GAP43: variants seen among roughly 807,000 people sequenced by gnomAD.
GAP43 encodes the protein growth associated protein 43, also known as neuromodulin.
In GAP43, 6 loss-of-function variants were observed where a neutral mutation model predicts 18.6. The ratio of observed to expected loss-of-function variants is 0.32; its 90% CI spans 0.18 to 0.64. The LOEUF is 0.64. GAP43 is among the 30% of genes least tolerant of loss of function. The pLI is 0.78. For synonymous variants in GAP43, 115 were observed against 111.4 expected (o/e 1.03, Z -0.20); for missense variants, 292 against 295.5 (o/e 0.99, Z 0.09).
At position 115,675,215 on chromosome 3, in the gene GAP43, G is replaced by A. The variant is rs370883836; in HGVS notation, c.31-798G>A. On this transcript the variant is annotated intron_variant, in intron 1 of 2. Transcript: ENST00000305124. The stretch of plus-strand genomic sequence containing the variant: ...GCCTCCTGAGTAGCCAGGACCACTG[G>A]TGCATGCCACTACACCCATCTAATT... 2.6e-5 allele frequency among the ~76,000 whole-genome samples: 4 copies of A among 152,232 alleles called. No homozygotes were observed. In the East Asian group the frequency reaches 7.8e-4, roughly 30 times the overall value.
At chr3:115,701,257 C>T (rs2972474) in intron 2 of GAP43, among the ~76,000 whole-genome samples, 76,917 of 151,844 alleles carry the variant, frequency 0.51, 21,154 homozygotes, top group East Asian at 0.73. Flanking sequence ...TCTGCCACCC[C>T]CTGAAATGCC....
chr3:115,652,910 C>G (rs972252125), intron 1 of GAP43, among the ~76,000 whole-genome samples: 1 of 152,086 alleles, frequency 6.6e-6, no homozygotes, highest in African/African-American at 2.4e-5. Context: ...ACAGTGGATT[C>G]CGTACAATTT....
chr3:115,655,876 G>A (rs1021988860), intron 1 of GAP43, among the ~76,000 whole-genome samples: 1 of 152,176 alleles, frequency 6.6e-6, no homozygotes, highest in African/African-American at 2.4e-5. Context: ...TAGAATGACT[G>A]AAATACAACA....
At chr3:115,663,570 A>C in intron 1 of GAP43, 1 of 1,322,352 alleles carries the variant, frequency 7.6e-7, no homozygotes, top group Non-Finnish European at 9.6e-7. Flanking sequence ...CTCAAGTGTG[A>C]ATTTTCCCTG....
At chr3:115,679,034 T>G (rs1312961456) in intron 2 of GAP43, among the ~76,000 whole-genome samples, 1 of 151,896 alleles carries the variant, frequency 6.6e-6, no homozygotes, top group Non-Finnish European at 1.5e-5. Flanking sequence ...TGTACTGCAT[T>G]TCCTCTGCCT....
chr3:115,675,297 C>T lies in GAP43; in HGVS notation c.31-716C>T, dbSNP rs562888973. Among the ~76,000 whole-genome samples the T allele has an allele frequency of 2.8e-4, 42 of 152,214 alleles. No homozygotes were observed. In the South Asian group the frequency reaches 3.1e-3, roughly 11 times the overall value. ...ATGTTGCCAGGGATGGTCTCGAACT[C>T]CTATGCTCAAGTGCCTCCTGCCTTC... On this transcript the variant is annotated intron_variant, in intron 1 of 2. Coordinates refer to ENST00000305124, the MANE Select transcript of GAP43 (RefSeq NM_002045.4).
At chr3:115,706,240 T>C (rs547987061) in intron 2 of GAP43, among the ~76,000 whole-genome samples, 1 of 152,256 alleles carries the variant, frequency 6.6e-6, no homozygotes, top group East Asian at 1.9e-4. Context: ...AGGAATCAAT[T>C]ATTAAAAAGA....
chr3:115,670,022 T>C (rs952912582), intron 1 of GAP43, among the ~76,000 whole-genome samples: 2 of 140,310 alleles, frequency 1.4e-5, no homozygotes, highest in African/African-American at 5.3e-5. Context: ...ATACTCTAAG[T>C]TTTAGGGTAC....
rs988918521 is a variant in GAP43 at position 115,644,332 on chromosome 3, A to G, written c.30+20613A>G. 2.6e-5 allele frequency among the ~76,000 whole-genome samples: 4 copies of G among 151,976 alleles called. No individual in the cohort carries two copies. Among genetic ancestry groups the G allele is most frequent in the African/African-American group, 9.7e-5 (4 of 41,392 alleles). ...TTGAGTGATTATTGTATTTTACCTGATAGTTTTTGGACAGGACTATCAGGG... is the reference window on the plus strand; with the variant it reads ...TTGAGTGATTATTGTATTTTACCTGGTAGTTTTTGGACAGGACTATCAGGG... On this transcript the variant is annotated intron_variant, in intron 1 of 2. Transcript: ENST00000305124. This position sits in a 1 kb window ranked among gnomAD's most constrained non-coding sequence, Gnocchi z 4.2.
chr3:115,648,026 C>T (rs1708478343), intron 1 of GAP43, among the ~76,000 whole-genome samples: 1 of 152,084 alleles, frequency 6.6e-6, no homozygotes, highest in Non-Finnish European at 1.5e-5. Flanking sequence ...TTTTCAGTGC[C>T]TATGACACAT....
Position 115,679,239 on chromosome 3 carries a change from T to A in GAP43, c.628+2629T>A, listed in dbSNP as rs549222717. ...CAAAGAGAAAATCTAAGAAAATAAT[T>A]TCTGTGAATATCAGGCTTAAAAATT... On this transcript the variant is annotated intron_variant, in intron 2 of 2. Transcript: ENST00000305124. Among the ~76,000 whole-genome samples the A allele has an allele frequency of 2.0e-5, 3 of 152,132 alleles. No homozygotes were observed. The East Asian group carries it at 5.8e-4, about 29-fold the overall frequency.
chr3:115,628,038 G>T (rs1479570891), intron 1 of GAP43, among the ~76,000 whole-genome samples: 2 of 151,954 alleles, frequency 1.3e-5, no homozygotes, highest in Non-Finnish European at 2.9e-5. Context: ...ATTTTTGTAG[G>T]GCTTAAACAT....
chr3:115,716,717 AATATATATATATATATATATAT>A (rs3995850), intron 2 of GAP43, among the ~76,000 whole-genome samples: 555 of 43,930 alleles, frequency 0.013, 11 homozygotes, highest in Non-Finnish European at 0.015. Flanking sequence ...ATCTCAGACA[AATATATATATATATATATATAT>A]ATATATATAT....
chr3:115,698,284 T>TA (rs1709247247), intron 2 of GAP43, among the ~76,000 whole-genome samples: 1 of 1,434 alleles, frequency 7.0e-4, no homozygotes, highest in African/African-American at 1.1e-3. Flanking sequence ...TATATATAAA[T>TA]ATAATATATA....
chr3:115,719,022 C>T (rs1709544869), intron 2 of GAP43, among the ~76,000 whole-genome samples: 2 of 152,228 alleles, frequency 1.3e-5, no homozygotes, highest in South Asian at 4.1e-4. Context: ...TACAGTAAAA[C>T]TATTTTATTT....
intron 1 of GAP43, among the ~76,000 whole-genome samples, chr3:115,645,611 GA>G (rs10716878): frequency 0.58 from 88,129 of 151,152 alleles, 27,045 homozygotes; most frequent in Admixed American, 0.67. Flanking sequence ...TATCTTGGTG[GA>G]AAAAAAACCC....
At chr3:115,640,197 G>C (rs898752455) in intron 1 of GAP43, among the ~76,000 whole-genome samples, 6 of 152,042 alleles carry the variant, frequency 3.9e-5, no homozygotes, top group African/African-American at 1.4e-4. Context: ...TGATCATAAG[G>C]AAAGAAAGAT....
intron 1 of GAP43, among the ~76,000 whole-genome samples, chr3:115,630,029 C>T (rs555171311): frequency 6.6e-6 from 1 of 152,260 alleles, no homozygotes; most frequent in African/African-American, 2.4e-5. Context: ...ATCTCCCCTC[C>T]ATGTCCTCCT....
At position 115,705,008 on chromosome 3, in the gene GAP43, A is replaced by C. The variant is rs370360846; in HGVS notation, c.629-15786A>C. 2.6e-5 allele frequency among the ~76,000 whole-genome samples: 4 copies of C among 152,290 alleles called. No individual in the cohort carries two copies. The South Asian group carries it at 8.3e-4, about 32-fold the overall frequency. On this transcript the variant is annotated intron_variant, in intron 2 of 2. Transcript: ENST00000305124. The stretch of plus-strand genomic sequence containing the variant: ...AGCCATTTGCTTTGATAAAATTAAC[A>C]AGACAACTGCCAAGTCTCTAGTTTA...
Sources: gnomAD v4.1 joint callset for allele counts (sites outside exome capture counted in the v4.1 genomes callset) on GRCh38, gnomAD v4.1.1 for gene constraint, Gnocchi (gnomAD v3.1) non-coding constraint, MANE v1.5 for transcripts, NCBI Gene and HGNC (gene_info 2026-07-23, HGNC 2026-07-21) for gene names.